Variants in TNFSF4 observed in about 807,000 individuals in gnomAD.
The protein encoded by TNFSF4 is tumor necrosis factor ligand superfamily member 4.
TNFSF4 carries 4 observed loss-of-function variants against 7.3 expected under a neutral mutation model. The ratio of observed to expected loss-of-function variants is 0.55; its 90% CI spans 0.27 to 1.25. The LOEUF (loss-of-function observed/expected upper bound fraction) is 1.25. Ranked by LOEUF, TNFSF4 falls within the 50% of genes most tolerant of loss-of-function variation. TNFSF4 has a pLI of 0.12. For missense variants in TNFSF4, 181 were observed against 208.8 expected, an observed-to-expected ratio of 0.87 and a Z score of 0.82; for synonymous variants, 76 against 83.7, an observed-to-expected ratio of 0.91 and a Z score of 0.50.
At chr1:173,418,106 T>C in the TNFSF4 span, 2 of 152,252 alleles carry the variant, frequency 1.3e-5, no homozygotes, top group African/African-American at 4.8e-5. Flanking sequence ...CAAAGGTTTG[T>C]GTCCATTGAT....
chr1:173,285,339 G>C, the TNFSF4 span, among the ~76,000 whole-genome samples: 1 of 152,116 alleles, frequency 6.6e-6, no homozygotes, highest in Non-Finnish European at 1.5e-5. Context: ...AGCAAATGAG[G>C]TGTTTTTTTG....
At chr1:173,440,526 C>T in the TNFSF4 span, 3 of 152,200 alleles carry the variant, frequency 2.0e-5, no homozygotes, top group African/African-American at 7.2e-5. Context: ...GAAGATGATG[C>T]TGTTCTTCCA....
chr1:173,387,470 C>T, the TNFSF4 span, among the ~76,000 whole-genome samples: 3 of 152,078 alleles, frequency 2.0e-5, no homozygotes, highest in Non-Finnish European at 4.4e-5. Flanking sequence ...CCTCCAGAAC[C>T]GTAAGAAATA....
chr1:173,197,870 A>C (rs1444318576), intron 1 of TNFSF4, among the ~76,000 whole-genome samples: 2 of 152,204 alleles, frequency 1.3e-5, no homozygotes, highest in East Asian at 1.9e-4. Context: ...AAAGAAAGTC[A>C]ATTGACCATA....
chr1:173,301,747 C>T, the TNFSF4 span, among the ~76,000 whole-genome samples: 1 of 151,824 alleles, frequency 6.6e-6, no homozygotes, highest in African/African-American at 2.4e-5. Context: ...AAATGCTTAT[C>T]ACCACCTACA....
At chr1:173,342,263 A>G in the TNFSF4 span, among the ~76,000 whole-genome samples, 1 of 152,146 alleles carries the variant, frequency 6.6e-6, no homozygotes. Context: ...TGCCTCTGGA[A>G]GGCCCAGTGT....
chr1:173,423,557 C>T, the TNFSF4 span, among the ~76,000 whole-genome samples: 1 of 152,170 alleles, frequency 6.6e-6, no homozygotes, highest in Admixed American at 6.5e-5. Flanking sequence ...GGGGCAACTG[C>T]AGTGGTCTGG....
chr1:173,406,186 C>T, the TNFSF4 span, among the ~76,000 whole-genome samples: 1 of 152,086 alleles, frequency 6.6e-6, no homozygotes, highest in Non-Finnish European at 1.5e-5. Context: ...GGAAGCAGGG[C>T]TTTGGCATAT....
the TNFSF4 span, among the ~76,000 whole-genome samples, chr1:173,286,617 G>A: frequency 3.3e-5 from 5 of 151,918 alleles, no homozygotes; most frequent in Non-Finnish European, 4.4e-5. Flanking sequence ...AGACCTAAAC[G>A]TGAAAGTTAA....
At chr1:173,335,926 C>A in the TNFSF4 span, among the ~76,000 whole-genome samples, 1 of 152,192 alleles carries the variant, frequency 6.6e-6, no homozygotes, top group East Asian at 1.9e-4. Flanking sequence ...TCTGAACTGA[C>A]AATAATTTTC....
the TNFSF4 span, among the ~76,000 whole-genome samples, chr1:173,435,642 T>C: frequency 6.6e-6 from 1 of 152,238 alleles, no homozygotes; most frequent in South Asian, 2.1e-4. Flanking sequence ...ACCTTGTCTA[T>C]GGTATTTTGT....
chr1:173,254,929 G>A, the TNFSF4 span, among the ~76,000 whole-genome samples: 1 of 152,152 alleles, frequency 6.6e-6, no homozygotes, highest in Non-Finnish European at 1.5e-5. Flanking sequence ...ACAAATCTTT[G>A]CCCACAGTGC....
downstream of TNFSF4, among the ~76,000 whole-genome samples, chr1:173,180,839 T>C (rs1649043758): frequency 6.6e-6 from 1 of 152,156 alleles, no homozygotes; most frequent in Non-Finnish European, 1.5e-5. Flanking sequence ...CGATGAACAA[T>C]AGACATGATA....
At chr1:173,399,441 G>C in the TNFSF4 span, among the ~76,000 whole-genome samples, 2 of 152,150 alleles carry the variant, frequency 1.3e-5, no homozygotes, top group Non-Finnish European at 2.9e-5. Flanking sequence ...GCAACTCGCT[G>C]TCCACTTTGC....
chr1:173,309,178 T>G, the TNFSF4 span, among the ~76,000 whole-genome samples: 2 of 151,986 alleles, frequency 1.3e-5, no homozygotes, highest in Admixed American at 1.3e-4. Context: ...GAATGACCAT[T>G]TATTTTCTCT....
the TNFSF4 span, among the ~76,000 whole-genome samples, chr1:173,249,847 A>G: frequency 6.6e-6 from 1 of 152,216 alleles, no homozygotes; most frequent in East Asian, 1.9e-4. Context: ...CATTAACACG[A>G]ACCATAGTTC....
chr1:173,360,942 C>T, the TNFSF4 span, among the ~76,000 whole-genome samples: 1 of 152,108 alleles, frequency 6.6e-6, no homozygotes, highest in Non-Finnish European at 1.5e-5. Context: ...GCCTGAACAG[C>T]CCTATGATGG....
At chr1:173,241,770 C>A in the TNFSF4 span, among the ~76,000 whole-genome samples, 1 of 152,156 alleles carries the variant, frequency 6.6e-6, no homozygotes, top group South Asian at 2.1e-4. Flanking sequence ...AATGGGGTGA[C>A]CCTTGTTTCC....
the TNFSF4 span, among the ~76,000 whole-genome samples, chr1:173,390,399 T>C: frequency 9.6e-4 from 146 of 152,262 alleles, 1 homozygote; most frequent in African/African-American, 3.4e-3. Context: ...AAGTTTTCAT[T>C]TTACCCTCAA....
Sources: gnomAD v4.1 joint callset for allele counts (sites outside exome capture counted in the v4.1 genomes callset) on GRCh38, gnomAD v4.1.1 for gene constraint, MANE v1.5 for transcripts, NCBI Gene and HGNC (gene_info 2026-07-23, HGNC 2026-07-21) for gene names.